The following TTC17 variants were observed in gnomAD, a reference collection of about 807,000 sequenced individuals.
TTC17 encodes tetratricopeptide repeat domain 17.
In TTC17, 58 loss-of-function variants were observed where a neutral mutation model predicts 143.8. The ratio of observed to expected loss-of-function variants is 0.40; its 90% CI spans 0.33 to 0.50. The LOEUF (loss-of-function observed/expected upper bound fraction) is 0.50. Among genes scored for constraint, TTC17 ranks in the 20% least tolerant of loss-of-function variants. The pLI, the probability that TTC17 is intolerant of heterozygous loss-of-function variation, is 0.49. For synonymous variants in TTC17, 501 were observed against 497.8 expected (o/e 1.01, Z -0.09); for missense variants, 1,273 against 1,392.5 (o/e 0.91, Z 1.37).
In TTC17 at chr11:43,391,520, G is replaced by C. The variant is rs1857384525; in HGVS notation, c.475G>C (p.Asp159His). 1.9e-6 allele frequency: 3 copies of C among 1,607,524 alleles called. No individual in the cohort carries two copies. The East Asian group carries it at 6.7e-5, about 36-fold the overall frequency. ...SPVPPDPEQP[D>H]CTKILELPYS... Reference sequence around the variant, plus strand: ...TGTCCCTCCAGACCCAGAGCAACCTGATTGTACTAAAATTCTAGAACTTCC... The same window carrying C: ...TGTCCCTCCAGACCCAGAGCAACCTCATTGTACTAAAATTCTAGAACTTCC... Residue 159 changes from aspartate to histidine, a missense_variant, in exon 4 of 24, where the codon GAT becomes CAT. Around this residue, in one of 3 missense-constraint regions of TTC17, gnomAD observed 325 missense variants for 444.2 expected, o/e 0.73. Coordinates refer to ENST00000039989, the MANE Select transcript of TTC17 (RefSeq NM_018259.6).
chr11:43,470,353 T>C (rs1262246425), intron 21 of TTC17, among the ~76,000 whole-genome samples: 1 of 152,196 alleles, frequency 6.6e-6, no homozygotes, highest in Admixed American at 6.5e-5. Flanking sequence ...ATCAATTTAT[T>C]AATTGTGGGA....
chr11:43,453,898 T>G (rs1172579714), intron 21 of TTC17, among the ~76,000 whole-genome samples: 4 of 152,198 alleles, frequency 2.6e-5, no homozygotes, highest in Non-Finnish European at 5.9e-5. Context: ...AGCCTACAGT[T>G]GGGTAAAATC....
Position 43,358,983 on chromosome 11 carries a change from G to C in TTC17, c.29G>C (p.Arg10Pro). 6.3e-7 allele frequency: 1 copy of C among 1,579,472 alleles called. No individual in the cohort carries two copies. The highest frequency in any genetic ancestry group is 8.6e-7 in the Non-Finnish European group (1 of 1,163,644). Residue 10 changes from arginine (R) to proline (P), a missense_variant, in exon 1 of 24, where the codon CGG becomes CCG. By Grantham distance (103) the Arg-to-Pro change is moderately radical. Around this residue, in one of 3 missense-constraint regions of TTC17, gnomAD observed 70 missense variants for 48.5 expected, o/e 1.44. Transcript: ENST00000039989. ...GCGGCGGCAGTAGGGGTTCGTGGCC[G>C]GTACGAGCTGCCGCCTTGCTCCGGC... is the stretch of plus-strand genomic sequence containing the variant. MAAAVGVRGRYELPPCSGPG... is the reference protein window; with the variant it reads MAAAVGVRGPYELPPCSGPG...
chr11:43,419,864 G>A (rs1415214407), intron 16 of TTC17, among the ~76,000 whole-genome samples: 1 of 152,026 alleles, frequency 6.6e-6, no homozygotes, highest in East Asian at 1.9e-4. Context: ...CTCTTAAACA[G>A]CATTTTAAAT....
chr11:43,414,245 A>T (rs977438677), intron 15 of TTC17, among the ~76,000 whole-genome samples: 1 of 152,212 alleles, frequency 6.6e-6, no homozygotes, highest in African/African-American at 2.4e-5. Context: ...CTATGATGAC[A>T]GAAGTCACAT....
intron 21 of TTC17, among the ~76,000 whole-genome samples, chr11:43,476,566 A>G (rs990491250): frequency 6.6e-6 from 1 of 152,198 alleles, no homozygotes; most frequent in African/African-American, 2.4e-5. Flanking sequence ...CTGTGCACCC[A>G]CAGGCTCAAC....
At position 43,359,002 on chromosome 11, in the gene TTC17, C is replaced by T. The variant is rs1343056166; in HGVS notation, c.48C>T (p.Cys16=). ...GVRGRYELPP[C]SGPGWLLSLS... ...GTGGCCGGTACGAGCTGCCGCCTTG[C>T]TCCGGCCCAGGCTGGCTCCTCAGCC... The change falls in exon 1 of 24, where the codon TGC becomes TGT. Residue 16 remains cysteine (C), a synonymous_variant. Coordinates refer to ENST00000039989, the MANE Select transcript of TTC17 (RefSeq NM_018259.6). 2 of 1,586,462 alleles carry T rather than the reference C, an allele frequency of 1.3e-6. No homozygotes were observed. Among genetic ancestry groups the T allele is most frequent in the Non-Finnish European group, 1.7e-6 (2 of 1,167,060 alleles).
Position 43,430,697 on chromosome 11 carries a change from C to T in TTC17, c.2252-12628C>T, listed in dbSNP as rs966349848. The stretch of plus-strand genomic sequence containing the variant: ...TGGACTCTATACTGCCCCCAGCATC[C>T]CCTACATACACGCACACACACACAC... On this transcript the variant is annotated intron_variant, in intron 16 of 23. Transcript: ENST00000039989. Among the ~76,000 whole-genome samples, 5 of 109,106 alleles carry T rather than the reference C, an allele frequency of 4.6e-5. No homozygotes were observed. In the South Asian group the frequency reaches 1.5e-3, roughly 32 times the overall value. 71.6% of individuals were successfully genotyped at this position (109,106 alleles called of 152,430 possible). A position where few individuals can be genotyped will look rare whatever the true frequency, so the allele number is the denominator to read the frequency against.
intron 16 of TTC17, among the ~76,000 whole-genome samples, chr11:43,434,462 A>C (rs1947239753): frequency 6.6e-6 from 1 of 152,182 alleles, no homozygotes. Flanking sequence ...CAGATCTCAG[A>C]TCTACTACTT....
chr11:43,408,570 T>A (rs1400427573), intron 15 of TTC17, among the ~76,000 whole-genome samples: 1 of 152,198 alleles, frequency 6.6e-6, no homozygotes, highest in Non-Finnish European at 1.5e-5. Flanking sequence ...TTTTTACTGT[T>A]TTCAGCCAAG....
At chr11:43,397,289 T>C in intron 6 of TTC17, 58 bp from the exon 7 acceptor site, 1 of 1,552,392 alleles carries the variant, frequency 6.4e-7, no homozygotes, top group South Asian at 1.2e-5. Flanking sequence ...ACTTTGAATG[T>C]CATTTTTCCT....
intron 2 of TTC17, among the ~76,000 whole-genome samples, chr11:43,381,429 G>A (rs927714319): frequency 1.3e-5 from 2 of 152,142 alleles, no homozygotes; most frequent in African/African-American, 4.8e-5. Flanking sequence ...GTGGAGTTAA[G>A]GGAGCTGACA....
Position 43,492,130 on chromosome 11 carries a change from C to A in TTC17, c.3261C>A (p.Asn1087Lys). 6.2e-7 allele frequency: 1 copy of A among 1,614,102 alleles called. No individual in the cohort carries two copies. ...AGATCGCACCACACTTTGCTGTGAA[C>A]CACTTCACTCTGGGCAATGTCTACG... Reference protein sequence around the residue: ...AVEIAPHFAVNHFTLGNVYVA... With the variant: ...AVEIAPHFAVKHFTLGNVYVA... Residue 1087 changes from asparagine (N) to lysine (K), a missense_variant, in exon 23 of 24, where the codon AAC (asparagine) becomes AAA (lysine). Coordinates refer to ENST00000039989, the MANE Select transcript of TTC17 (RefSeq NM_018259.6).
In TTC17 at chr11:43,364,377, G is replaced by A. The variant is rs573358975; in HGVS notation, c.159+5264G>A. On this transcript the variant is annotated intron_variant, in intron 1 of 23. Coordinates refer to ENST00000039989, the MANE Select transcript of TTC17 (RefSeq NM_018259.6). ...CAGCCATTAATAGCTTGTAAGTGAA[G>A]GCCTGGTTTAATTTTGGTCTGATGT... 1.4e-3 allele frequency among the ~76,000 whole-genome samples: 211 copies of A among 152,206 alleles called. 2 individuals carry two copies. The highest frequency in any genetic ancestry group is 2.0e-3 in the Non-Finnish European group (138 of 68,026).
chr11:43,425,636 G>T (rs1324011829), intron 16 of TTC17, among the ~76,000 whole-genome samples: 5 of 152,118 alleles, frequency 3.3e-5, no homozygotes, highest in African/African-American at 1.2e-4. Flanking sequence ...GACTGAGGAT[G>T]TCTGCCATAT....
chr11:43,462,070 A>G (rs1786851354), intron 21 of TTC17, among the ~76,000 whole-genome samples: 2 of 150,660 alleles, frequency 1.3e-5, no homozygotes, highest in South Asian at 4.2e-4. Context: ...GTAACTTAAG[A>G]ATTAAATGTA....
chr11:43,386,445 G>A (rs1231818410), intron 2 of TTC17, among the ~76,000 whole-genome samples: 1 of 152,162 alleles, frequency 6.6e-6, no homozygotes. Context: ...AAAAGGTACA[G>A]TAAAAATGTG....
chr11:43,426,145 C>T (rs184237414), intron 16 of TTC17, among the ~76,000 whole-genome samples: 4 of 152,336 alleles, frequency 2.6e-5, no homozygotes, highest in East Asian at 1.9e-4. Flanking sequence ...CCCTATTTCA[C>T]TTGATGATGA....
intron 21 of TTC17, among the ~76,000 whole-genome samples, chr11:43,453,642 T>C (rs758035094): frequency 2.6e-5 from 4 of 152,120 alleles, no homozygotes; most frequent in Non-Finnish European, 5.9e-5. Flanking sequence ...CAGAGCAGCA[T>C]TGGTATAAGG....
Sources: gnomAD v4.1 joint callset for allele counts (sites outside exome capture counted in the v4.1 genomes callset) on GRCh38, gnomAD v4.1.1 for gene constraint, gnomAD v4.1.1 regional missense constraint, MANE v1.5 for transcripts, NCBI Gene and HGNC (gene_info 2026-07-23, HGNC 2026-07-21) for gene names.